Variants in SIK3 observed in about 807,000 individuals in gnomAD.
The protein encoded by SIK3 is serine/threonine-protein kinase SIK3.
SIK3 carries 28 observed loss-of-function variants against 144.2 expected under a neutral mutation model. That is an observed-to-expected ratio of 0.19 (90% CI 0.14 to 0.27). The LOEUF (loss-of-function observed/expected upper bound fraction) is 0.27. SIK3 is among the 10% of genes least tolerant of loss of function. The pLI, the probability that SIK3 is intolerant of heterozygous loss-of-function variation, is 1.00. For missense variants in SIK3, 1,319 were observed against 1,776.0 expected (o/e 0.74, Z 4.62); for synonymous variants, 686 against 676.3 (o/e 1.01, Z -0.22).
At chr11:116,960,115 A>C (rs1949286317) in intron 1 of SIK3, among the ~76,000 whole-genome samples, 1 of 152,186 alleles carries the variant, frequency 6.6e-6, no homozygotes, top group Non-Finnish European at 1.5e-5. Flanking sequence ...TTTCAGGAAA[A>C]ATTGCATTGA....
Position 116,903,589 on chromosome 11 carries a change from CT to C in SIK3, c.617-6273del, listed in dbSNP as rs886360618. On this transcript the variant is annotated intron_variant, in intron 4 of 24. Transcript: ENST00000445177. ...TGCCAAAGAAAAAGGTAAAGAAAAACTTTTTTTTTGGAGATGGAGTCTTGCT... is the reference window on the plus strand; with the variant it reads ...TGCCAAAGAAAAAGGTAAAGAAAAACTTTTTTTTGGAGATGGAGTCTTGCT... Among the ~76,000 whole-genome samples the C allele has an allele frequency of 2.0e-3, 307 of 151,694 alleles. 3 individuals are homozygous for C. The highest frequency in any genetic ancestry group is 6.8e-3 in the African/African-American group (283 of 41,392).
intron 18 of SIK3, 70 bp downstream of exon 18, chr11:116,861,771 C>T: frequency 1.0e-6 from 1 of 995,380 alleles, no homozygotes; most frequent in South Asian, 1.4e-5. Context: ...TCCATATCTC[C>T]CAGTGAGTCA....
intron 4 of SIK3, among the ~76,000 whole-genome samples, chr11:116,924,667 G>C (rs1225646632): frequency 6.6e-6 from 1 of 152,146 alleles, no homozygotes; most frequent in Non-Finnish European, 1.5e-5. Context: ...CCAAGGAATG[G>C]AGATGACCCC....
chr11:116,907,330 C>T (rs1209847764), intron 4 of SIK3, among the ~76,000 whole-genome samples: 5 of 152,202 alleles, frequency 3.3e-5, no homozygotes, highest in Admixed American at 2.6e-4. Context: ...AGTTCACGTA[C>T]ATCCCATAAT....
At chr11:117,033,082 T>C (rs1027552808) in intron 1 of SIK3, among the ~76,000 whole-genome samples, 4 of 152,226 alleles carry the variant, frequency 2.6e-5, no homozygotes, top group Admixed American at 1.3e-4. Context: ...TCTCCATTTG[T>C]AGAATGTGAA....
At chr11:116,986,354 A>G (rs979668485) in intron 1 of SIK3, among the ~76,000 whole-genome samples, 2 of 152,204 alleles carry the variant, frequency 1.3e-5, no homozygotes, top group Non-Finnish European at 2.9e-5. Context: ...CTGGCATAGA[A>G]CAGATAACTA....
intron 3 of SIK3, among the ~76,000 whole-genome samples, chr11:116,951,435 T>C (rs1948930392): frequency 1.3e-5 from 2 of 152,178 alleles, no homozygotes; most frequent in Admixed American, 1.3e-4. Context: ...ATATATTACA[T>C]AATATGTGTT....
At chr11:117,062,880 G>A (rs1043720159) in intron 1 of SIK3, among the ~76,000 whole-genome samples, 2 of 152,100 alleles carry the variant, frequency 1.3e-5, no homozygotes, top group Non-Finnish European at 2.9e-5. Flanking sequence ...AAATGACTAA[G>A]AACTAAAATA....
intron 13 of SIK3, among the ~76,000 whole-genome samples, chr11:116,871,233 G>A (rs1321787414): frequency 6.6e-6 from 1 of 152,084 alleles, no homozygotes; most frequent in Non-Finnish European, 1.5e-5. Flanking sequence ...CCAGTCACTA[G>A]AACAAAAATC....
At chr11:117,070,532 C>T (rs1954219263) in intron 1 of SIK3, among the ~76,000 whole-genome samples, 1 of 152,032 alleles carries the variant, frequency 6.6e-6, no homozygotes, top group Non-Finnish European at 1.5e-5. Flanking sequence ...CTGCAACCTC[C>T]ATCTCCTGGG....
chr11:116,854,983 G>A (rs1464483129), intron 21 of SIK3, among the ~76,000 whole-genome samples: 1 of 150,490 alleles, frequency 6.6e-6, no homozygotes, highest in Non-Finnish European at 1.5e-5. Context: ...CTACTTAGGA[G>A]GCTGAGGCAG....
intron 1 of SIK3, among the ~76,000 whole-genome samples, chr11:117,096,373 T>C (rs1268335098): frequency 6.6e-6 from 1 of 151,994 alleles, no homozygotes; most frequent in African/African-American, 2.4e-5. Flanking sequence ...CACAAAGTGA[T>C]TACACAGAAA....
At chr11:117,026,554 G>C (rs1952018543) in intron 1 of SIK3, among the ~76,000 whole-genome samples, 2 of 152,156 alleles carry the variant, frequency 1.3e-5, no homozygotes, top group Admixed American at 1.3e-4. Flanking sequence ...AAGAACTTCA[G>C]CATGTACATA....
At chr11:117,006,668 A>C (rs146625540) in intron 1 of SIK3, among the ~76,000 whole-genome samples, 1 of 152,076 alleles carries the variant, frequency 6.6e-6, no homozygotes, top group African/African-American at 2.4e-5. Context: ...AAAGAAAAAA[A>C]AGATCTTCAC....
chr11:117,074,677 C>T lies in SIK3; in HGVS notation c.273+23466G>A, dbSNP rs537639607. On this transcript the variant is annotated intron_variant, in intron 1 of 24. Transcript: ENST00000445177. ...GTGGCTCACGCCTGTAATCCCAGCACTTTGGGAGGCCCAGGCAGGAGGATT... is the reference window on the plus strand; with the variant it reads ...GTGGCTCACGCCTGTAATCCCAGCATTTTGGGAGGCCCAGGCAGGAGGATT... Among the ~76,000 whole-genome samples, 3 of 152,028 alleles carry T rather than the reference C, an allele frequency of 2.0e-5. No individual in the cohort carries two copies. In the East Asian group the frequency reaches 5.8e-4, roughly 29 times the overall value.
At chr11:116,961,043 G>T (rs1379470702) in intron 1 of SIK3, among the ~76,000 whole-genome samples, 1 of 152,200 alleles carries the variant, frequency 6.6e-6, no homozygotes, top group Admixed American at 6.5e-5. Context: ...GAAGAACATG[G>T]AAAGAACAGA....
At position 116,851,909 on chromosome 11, in the gene SIK3, TCTTA is replaced by T. The variant is rs559143390; in HGVS notation, c.3656-2630_3656-2627del. Among the ~76,000 whole-genome samples the T allele has an allele frequency of 8.2e-4, 125 of 152,330 alleles. 2 individuals carry two copies. The South Asian group carries it at 0.018, about 22-fold the overall frequency. On this transcript the variant is annotated intron_variant, in intron 21 of 24. Transcript: ENST00000445177. The stretch of plus-strand genomic sequence containing the variant: ...CCAAGAAGCAATGCGAGCAGCCGCT[TCTTA>T]CTTTTTCAAAAACCTATATTGTCTT...
chr11:116,879,741 T>G (rs1944453572), intron 6 of SIK3, among the ~76,000 whole-genome samples: 1 of 152,242 alleles, frequency 6.6e-6, no homozygotes, highest in African/African-American at 2.4e-5. Context: ...TAAAACTATA[T>G]TCAAATGCAG....
chr11:117,024,773 T>A (rs1951939897), intron 1 of SIK3, among the ~76,000 whole-genome samples: 1 of 152,012 alleles, frequency 6.6e-6, no homozygotes, highest in South Asian at 2.1e-4. Context: ...TGGTGGCATG[T>A]GCCTGTAGTC....
Sources: gnomAD v4.1 joint callset for allele counts (sites outside exome capture counted in the v4.1 genomes callset) on GRCh38, gnomAD v4.1.1 for gene constraint, MANE v1.5 for transcripts, NCBI Gene and HGNC (gene_info 2026-07-23, HGNC 2026-07-21) for gene names.